The following FBXW10 variants were observed in gnomAD, a reference collection of about 807,000 sequenced individuals.
FBXW10 encodes F-box and WD repeat domain containing 10, also known as F-box/WD repeat-containing protein 10.
FBXW10 carries 68 observed loss-of-function variants against 113.1 expected under a neutral mutation model. The observed-to-expected ratio is 0.60, with a 90% CI of 0.49 to 0.74. The LOEUF (loss-of-function observed/expected upper bound fraction) is 0.74, where lower values mean the gene tolerates loss of function less well. Ranked by LOEUF, FBXW10 falls within the 30% of genes least tolerant of loss-of-function variation. The pLI is 0.00. For synonymous variants in FBXW10, 289 were observed against 481.6 expected, an observed-to-expected ratio of 0.60 and a Z score of 5.24; for missense variants, 753 against 1,284.5, an observed-to-expected ratio of 0.59 and a Z score of 6.32.
rs993085051 is a variant in FBXW10, at chr17:18,764,977, A to G, written c.1555+114A>G. On this transcript the variant is annotated intron_variant, in intron 8 of 13. Coordinates refer to ENST00000395665, the MANE Select transcript of FBXW10 (RefSeq NM_001267585.2). ...GGCAGTCATTTATTCTTTATCATCC[A>G]TCCATCCATCCACCCACCCACCCAT... 14 of 1,601,092 alleles carry G rather than the reference A, an allele frequency of 8.7e-6. No individual in the cohort carries two copies. The African/African-American group carries it at 1.5e-4, about 17-fold the overall frequency.
intron 8 of FBXW10, among the ~76,000 whole-genome samples, chr17:18,765,760 C>T (rs2035485005): frequency 2.6e-5 from 4 of 152,038 alleles, no homozygotes; most frequent in Admixed American, 2.6e-4. Flanking sequence ...TGGAGTCTTG[C>T]TCTGTGGCCA....
rs145973790 is a variant in FBXW10, at chr17:18,744,652, T to C, written c.408T>C (p.Tyr136=). ...GCACCCAGTGGACCAAGGCGAATTATACTCTCTTACTGCTGCAGATGTGCA... is the reference window on the plus strand; with the variant it reads ...GCACCCAGTGGACCAAGGCGAATTACACTCTCTTACTGCTGCAGATGTGCA... ...ANSTQWTKAN[Y]TLLLLQMCNP... The change falls in exon 1 of 14, where the codon TAT becomes TAC. Residue 136 remains tyrosine, a synonymous_variant. Coordinates refer to ENST00000395665, the MANE Select transcript of FBXW10 (RefSeq NM_001267585.2). 20 of 1,613,990 alleles carry C rather than the reference T, an allele frequency of 1.2e-5. No individual in the cohort carries two copies. The highest frequency in any genetic ancestry group is 1.6e-5 in the Non-Finnish European group (19 of 1,179,870).
At chr17:18,772,748 G>T in intron 12 of FBXW10, 65 bp downstream of exon 12, 1 of 1,416,730 alleles carries the variant, frequency 7.1e-7, no homozygotes, top group Non-Finnish European at 9.7e-7. Context: ...TTTGGTGGGG[G>T]TGGTGGGAGA....
intron 2 of FBXW10, among the ~76,000 whole-genome samples, chr17:18,748,750 G>C (rs1014965954): frequency 1.3e-5 from 2 of 152,120 alleles, no homozygotes; most frequent in African/African-American, 4.8e-5. Flanking sequence ...TCTGCTCTGG[G>C]CCACAATCCA....
rs574377467 is a variant in FBXW10, at chr17:18,749,858, T to C, written c.807T>C (p.Ser269=). The change falls in exon 3 of 14, where the codon TCT becomes TCC. Residue 269 remains serine (S), a synonymous_variant. Transcript: ENST00000395665. The stretch of plus-strand genomic sequence containing the variant: ...TGGATGACATCAGAGACCTGTCTTC[T>C]GGGTTCAGCAAATACCGAGACTTCA... ...VDLDDIRDLS[S]GFSKYRDFIR... 2.5e-6 allele frequency: 4 copies of C among 1,614,110 alleles called. No individual in the cohort carries two copies. In the African/African-American group the frequency reaches 4.0e-5, roughly 16 times the overall value.
At chr17:18,769,840 A>G in intron 10 of FBXW10, 87 bp from the exon 11 acceptor site, 1 of 1,494,260 alleles carries the variant, frequency 6.7e-7, no homozygotes, top group Non-Finnish European at 9.1e-7. Flanking sequence ...GTGCTGCTCA[A>G]TCACACACAA....
intron 2 of FBXW10, 63 bp downstream of exon 2, chr17:18,748,168 C>T: frequency 6.2e-7 from 1 of 1,602,034 alleles, no homozygotes; most frequent in African/African-American, 1.3e-5. Context: ...GCCTGTAATC[C>T]CAGCACTTTG....
chr17:18,759,300 C>T (rs1597595088), intron 7 of FBXW10, among the ~76,000 whole-genome samples: 1 of 152,186 alleles, frequency 6.6e-6, no homozygotes, highest in African/African-American at 2.4e-5. Flanking sequence ...CTTCTTCCTG[C>T]CAACCAGAGG....
At chr17:18,754,094 C>T (rs1444239184) in intron 5 of FBXW10, among the ~76,000 whole-genome samples, 3 of 151,940 alleles carry the variant, frequency 2.0e-5, no homozygotes, top group Non-Finnish European at 2.9e-5. Flanking sequence ...CACCATAGAT[C>T]GAGGAGGTGT....
chr17:18,755,212 A>G (rs1311440516), intron 5 of FBXW10, among the ~76,000 whole-genome samples: 2 of 151,222 alleles, frequency 1.3e-5, no homozygotes, highest in African/African-American at 2.4e-5. Context: ...GCAGTGAGCC[A>G]AGATCATGAC....
Position 18,772,723 on chromosome 17 carries a change from C to T in FBXW10, c.2278+40C>T, listed in dbSNP as rs771199945. 26 of 1,571,310 alleles carry T rather than the reference C, an allele frequency of 1.7e-5. No homozygotes were observed. The South Asian group carries it at 1.9e-4, about 11-fold the overall frequency. ...TACCAGCAAGTTCAGTGATAACCCA[C>T]AGAGCAGGTCGGGGTTTGGTGGGGG... On this transcript the variant is annotated intron_variant, in intron 12 of 13. Transcript: ENST00000395665.
At chr17:18,772,336 T>TG (rs1465947149) in intron 11 of FBXW10, 76 bp from the exon 12 acceptor site, 1 of 1,375,158 alleles carries the variant, frequency 7.3e-7, no homozygotes, top group East Asian at 2.3e-5. Context: ...AAAGACCAGG[T>TG]GGGATGGTAA....
chr17:18,764,184 C>T (rs1567621552), intron 7 of FBXW10, among the ~76,000 whole-genome samples: 1 of 146,450 alleles, frequency 6.8e-6, no homozygotes, highest in Non-Finnish European at 1.5e-5. Flanking sequence ...CACAAAAACC[C>T]TATGATGTAA....
chr17:18,762,241 C>A (rs760199170), intron 7 of FBXW10, among the ~76,000 whole-genome samples: 6 of 151,712 alleles, frequency 4.0e-5, no homozygotes, highest in Admixed American at 3.9e-4. Context: ...GGATTACTGG[C>A]GTGAGCTACT....
chr17:18,764,294 C>T (rs1412847418), intron 7 of FBXW10, among the ~76,000 whole-genome samples: 13 of 151,370 alleles, frequency 8.6e-5, no homozygotes, highest in African/African-American at 2.7e-4. Flanking sequence ...CTCTGCCTGC[C>T]GGATTCAAGC....
At chr17:18,750,903 T>G in intron 4 of FBXW10, 28 bp from the exon 5 acceptor site, 1 of 1,605,204 alleles carries the variant, frequency 6.2e-7, no homozygotes, top group Non-Finnish European at 8.5e-7. Flanking sequence ...GTTTTTATTT[T>G]TATTTTTTAT....
At chr17:18,746,469 T>C (rs934046074) in intron 1 of FBXW10, among the ~76,000 whole-genome samples, 2 of 152,126 alleles carry the variant, frequency 1.3e-5, no homozygotes, top group African/African-American at 4.8e-5. Flanking sequence ...CAGGTGGTCA[T>C]ATTTGTAGAC....
intron 1 of FBXW10, among the ~76,000 whole-genome samples, chr17:18,747,724 A>C (rs7212014): frequency 6.6e-6 from 1 of 152,016 alleles, no homozygotes; most frequent in Non-Finnish European, 1.5e-5. Flanking sequence ...CAACTCGAGA[A>C]ATTTTACAAT....
intron 9 of FBXW10, among the ~76,000 whole-genome samples, chr17:18,767,090 G>A (rs1003725506): frequency 2.0e-5 from 3 of 152,162 alleles, no homozygotes; most frequent in African/African-American, 4.8e-5. Context: ...GTTGGTAGAG[G>A]AAGGCTGCAT....
Sources: allele counts gnomAD v4.1 joint callset (sites outside exome capture counted in the v4.1 genomes callset), GRCh38; gene constraint gnomAD v4.1.1; transcripts MANE v1.5; gene names NCBI Gene and HGNC (gene_info 2026-07-23, HGNC 2026-07-21).